Variants in PIBF1 observed in about 807,000 individuals in gnomAD.
The protein encoded by PIBF1 is progesterone immunomodulatory binding factor 1.
In PIBF1, 90 loss-of-function variants were observed where a neutral mutation model predicts 112.5. The ratio of observed to expected loss-of-function variants is 0.80; its 90% CI spans 0.67 to 0.95. PIBF1 has a LOEUF of 0.95. Ranked by LOEUF, PIBF1 falls within the 40% of genes least tolerant of loss-of-function variation. PIBF1 has a pLI of 0.00. For synonymous variants in PIBF1, 301 were observed against 288.6 expected (o/e 1.04, Z -0.44); for missense variants, 915 against 852.3 (o/e 1.07, Z -0.92).
chr13:72,973,604 G>T lies in PIBF1; in HGVS notation c.1978G>T (p.Glu660Ter). 1 of 1,536,334 alleles carries T rather than the reference G, an allele frequency of 6.5e-7. No homozygotes were observed. The highest frequency in any genetic ancestry group is 8.8e-7 in the Non-Finnish European group (1 of 1,139,424). ...LEKDVSNLNKEKSALLQTKNQ... is the reference protein window; with the variant it reads ...LEKDVSNLNK ...TTTTTTTTTCAGCAACTTAAATAAAGAAAAGTCAGCTTTACTACAGACGAA... is the reference window on the plus strand; with the variant it reads ...TTTTTTTTTCAGCAACTTAAATAAATAAAAGTCAGCTTTACTACAGACGAA... The change falls in exon 16 of 18, where the codon GAA (glutamate) becomes TAA (stop). Residue 660 changes from glutamate (E) to a stop codon, truncating the protein, a stop_gained. Coordinates refer to ENST00000326291, the MANE Select transcript of PIBF1 (RefSeq NM_006346.4). LOFTEE classifies it high-confidence loss of function.
intron 5 of PIBF1, among the ~76,000 whole-genome samples, chr13:72,805,018 G>C (rs2035653855): frequency 6.6e-6 from 1 of 152,018 alleles, no homozygotes; most frequent in African/African-American, 2.4e-5. Flanking sequence ...TTGTCACCTA[G>C]GCTGCAGTGC....
intron 14 of PIBF1, among the ~76,000 whole-genome samples, chr13:72,944,788 A>G (rs1372913610): frequency 6.6e-6 from 1 of 151,994 alleles, no homozygotes; most frequent in African/African-American, 2.4e-5. Flanking sequence ...TTTTTTTGAG[A>G]TGGAGTCTTA....
chr13:72,893,327 A>T (rs1426629662), intron 10 of PIBF1, among the ~76,000 whole-genome samples: 1 of 152,066 alleles, frequency 6.6e-6, no homozygotes, highest in East Asian at 1.9e-4. Context: ...ATATGTACTA[A>T]GTTTATTTTG....
chr13:72,946,211 T>C (rs1371861085), intron 14 of PIBF1, among the ~76,000 whole-genome samples: 2 of 152,078 alleles, frequency 1.3e-5, no homozygotes, highest in African/African-American at 4.8e-5. Flanking sequence ...AACACGTCCT[T>C]CTTCACATGG....
At chr13:72,902,328 G>T (rs1431034969) in intron 11 of PIBF1, among the ~76,000 whole-genome samples, 1 of 151,390 alleles carries the variant, frequency 6.6e-6, no homozygotes, top group Non-Finnish European at 1.5e-5. Context: ...ACAAATTACC[G>T]CTAAAGAACT....
intron 16 of PIBF1, 43 bp downstream of exon 16, chr13:72,973,718 T>C (rs1372183395): frequency 3.5e-5 from 37 of 1,052,804 alleles, no homozygotes; most frequent in Non-Finnish European, 5.0e-5. Flanking sequence ...TTTTAGGCTT[T>C]TTTAAAAACT....
rs182918344 is a variant in PIBF1, at chr13:72,871,528, A to C, written c.1322+17373A>C. 1.3e-4 allele frequency among the ~76,000 whole-genome samples: 20 copies of C among 151,912 alleles called. No individual in the cohort carries two copies. In the East Asian group the frequency reaches 3.7e-3, roughly 28 times the overall value. On this transcript the variant is annotated intron_variant, in intron 10 of 17. Transcript: ENST00000326291. ...CCCATGTTGGCCAGGCTGGTCTTGAACTCCTGACCTTGTGATCCACCTGCC... is the reference window on the plus strand; with the variant it reads ...CCCATGTTGGCCAGGCTGGTCTTGACCTCCTGACCTTGTGATCCACCTGCC...
intron 11 of PIBF1, among the ~76,000 whole-genome samples, chr13:72,905,229 G>A (rs1469285574): frequency 1.3e-5 from 2 of 151,834 alleles, no homozygotes; most frequent in African/African-American, 4.8e-5. Context: ...CACAACACCC[G>A]GCTAATTTTT....
chr13:72,870,122 T>G lies in PIBF1; in HGVS notation c.1322+15967T>G, dbSNP rs545842149. ...CCATATAGCTAAACTCATTTTCCAT[T>G]ACCATTTTATAATAGAACCTAATGG... On this transcript the variant is annotated intron_variant, in intron 10 of 17. Transcript: ENST00000326291. 2.0e-5 allele frequency among the ~76,000 whole-genome samples: 3 copies of G among 152,286 alleles called. No homozygotes were observed. The East Asian group carries it at 5.8e-4, about 29-fold the overall frequency.
intron 14 of PIBF1, among the ~76,000 whole-genome samples, chr13:72,952,888 G>GAA (rs71102891): frequency 0.013 from 1,768 of 141,244 alleles, 25 homozygotes; most frequent in African/African-American, 0.037. Context: ...GTGCCCTTAA[G>GAA]AAAAAAAAAA....
chr13:73,004,792 G>C (rs2043981513), intron 17 of PIBF1, among the ~76,000 whole-genome samples: 2 of 152,192 alleles, frequency 1.3e-5, no homozygotes, highest in Non-Finnish European at 2.9e-5. Flanking sequence ...TTAACAAGTA[G>C]AGAGTTTCAG....
chr13:72,902,542 A>T (rs2040534081), intron 11 of PIBF1, among the ~76,000 whole-genome samples: 1 of 152,206 alleles, frequency 6.6e-6, no homozygotes, highest in African/African-American at 2.4e-5. Context: ...CCCCAAAATA[A>T]AATGGAAAGA....
intron 10 of PIBF1, among the ~76,000 whole-genome samples, chr13:72,883,337 G>A (rs2039718245): frequency 6.6e-6 from 1 of 152,200 alleles, no homozygotes; most frequent in South Asian, 2.1e-4. Flanking sequence ...CCAGAGACTG[G>A]GAAGGGTAGT....
At position 72,987,858 on chromosome 13, in the gene PIBF1, ATTTTTTTT is replaced by A. The variant is rs55999445; in HGVS notation, c.2050-10948_2050-10941del. 1.2e-3 allele frequency among the ~76,000 whole-genome samples: 69 copies of A among 58,128 alleles called. 1 individual carries two copies. The highest frequency in any genetic ancestry group is 6.0e-3 in the African/African-American group (64 of 10,728). 38.1% of individuals were successfully genotyped at this position (58,128 alleles called of 152,430 possible). A position where few individuals can be genotyped will look rare whatever the true frequency, so the allele number is the denominator to read the frequency against. On this transcript the variant is annotated intron_variant, in intron 16 of 17. Coordinates refer to ENST00000326291, the MANE Select transcript of PIBF1 (RefSeq NM_006346.4). The stretch of plus-strand genomic sequence containing the variant: ...TTGTAATTTATTTATTTATTTATTT[ATTTTTTTT>A]TTTTTTTTTTTTTTTGAGGCAGAGT...
chr13:72,850,865 T>C (rs1449185443), intron 9 of PIBF1, among the ~76,000 whole-genome samples: 13 of 152,238 alleles, frequency 8.5e-5, no homozygotes, highest in Non-Finnish European at 1.5e-5. Flanking sequence ...AATAATAATA[T>C]GCCATTTTTT....
intron 5 of PIBF1, among the ~76,000 whole-genome samples, chr13:72,812,382 A>G (rs575568874): frequency 1.3e-5 from 2 of 152,240 alleles, no homozygotes; most frequent in East Asian, 3.9e-4. Context: ...GTCATTGCCC[A>G]TGTTTGCATT....
At chr13:72,850,223 G>A (rs1442924262) in intron 9 of PIBF1, among the ~76,000 whole-genome samples, 2 of 152,172 alleles carry the variant, frequency 1.3e-5, no homozygotes, top group African/African-American at 4.8e-5. Context: ...AGAAGCCTTA[G>A]CTTCTTCTGG....
chr13:72,834,556 G>A (rs943054683), intron 8 of PIBF1, among the ~76,000 whole-genome samples: 1 of 152,160 alleles, frequency 6.6e-6, no homozygotes, highest in Non-Finnish European at 1.5e-5. Context: ...GAGCCCAGGA[G>A]TTCGGGGTTA....
At chr13:72,899,489 A>G (rs986640088) in intron 11 of PIBF1, among the ~76,000 whole-genome samples, 1 of 152,228 alleles carries the variant, frequency 6.6e-6, no homozygotes, top group Non-Finnish European at 1.5e-5. Context: ...AATAAATGTG[A>G]TAACCACATA....
Sources: gnomAD v4.1 joint callset for allele counts (sites outside exome capture counted in the v4.1 genomes callset) on GRCh38, gnomAD v4.1.1 for gene constraint, MANE v1.5 for transcripts, NCBI Gene and HGNC (gene_info 2026-07-23, HGNC 2026-07-21) for gene names.